Variants in COL5A3 observed in about 807,000 individuals in gnomAD.
COL5A3 encodes collagen alpha-3(V) chain.
COL5A3 carries 172 observed loss-of-function variants against 250.0 expected under a neutral mutation model. The ratio of observed to expected loss-of-function variants is 0.69; its 90% CI spans 0.61 to 0.78. The LOEUF is 0.78. Ranked by LOEUF, COL5A3 falls within the 30% of genes least tolerant of loss-of-function variation. The pLI is 0.00. For missense variants in COL5A3, 2,340 were observed against 2,334.4 expected, an observed-to-expected ratio of 1.00 and a Z score of -0.05; for synonymous variants, 937 against 900.4, an observed-to-expected ratio of 1.04 and a Z score of -0.73.
intron 22 of COL5A3, 43 bp from the exon 23 acceptor site, chr19:9,991,884 G>A (rs751087925): frequency 6.3e-7 from 1 of 1,597,352 alleles, no homozygotes; most frequent in Admixed American, 1.7e-5. Flanking sequence ...GAGGGGTCAT[G>A]GTGTTGGGGC....
chr19:9,996,629 C>G lies in COL5A3; in HGVS notation c.1324G>C (p.Val442Leu), dbSNP rs890983387. 8.7e-6 allele frequency: 14 copies of G among 1,613,674 alleles called. No individual in the cohort carries two copies. Among genetic ancestry groups the G allele is most frequent in the Non-Finnish European group, 1.2e-5 (14 of 1,179,912 alleles). ...CTCCTTCTTACCGGCATCATGATCACAGTGCCCGGTGGGCCTCGGATCCCA... is the reference window on the plus strand; with the variant it reads ...CTCCTTCTTACCGGCATCATGATCAGAGTGCCCGGTGGGCCTCGGATCCCA... Reference protein sequence around the residue: ...IDGIRGPPGTVIMMPFQFAGG... With the variant: ...IDGIRGPPGTLIMMPFQFAGG... The change falls in exon 12 of 67, where the codon GTG (valine) becomes CTG (leucine). Residue 442 changes from valine to leucine, a missense_variant. Val to Leu is a conservative substitution (Grantham distance 32). Coordinates refer to ENST00000264828, the MANE Select transcript of COL5A3 (RefSeq NM_015719.4).
chr19:10,004,933 C>G (rs1476062598), intron 4 of COL5A3, among the ~76,000 whole-genome samples: 1 of 152,172 alleles, frequency 6.6e-6, no homozygotes, highest in Non-Finnish European at 1.5e-5. Flanking sequence ...CACAACAAGC[C>G]AAGTAGGCGC....
chr19:9,996,484 G>T lies in COL5A3; in HGVS notation c.1371C>A (p.Pro457=). 6.2e-7 allele frequency: 1 copy of T among 1,614,128 alleles called. No homozygotes were observed. The highest frequency in any genetic ancestry group is 8.5e-7 in the Non-Finnish European group (1 of 1,180,014). The change falls in exon 13 of 67, where the codon CCC becomes CCA. Residue 457 remains proline (P), a synonymous_variant. Coordinates refer to ENST00000264828, the MANE Select transcript of COL5A3 (RefSeq NM_015719.4). ...CCTGGGCCTGCTGGAATGAGACTGGGGGGCCTTTAAAGGAGCCGCCTGCAA... is the reference window on the plus strand; with the variant it reads ...CCTGGGCCTGCTGGAATGAGACTGGTGGGCCTTTAAAGGAGCCGCCTGCAA... ...FQFAGGSFKG[P]PVSFQQAQAQ...
At chr19:9,970,255 G>C (rs568259981) in intron 54 of COL5A3, among the ~76,000 whole-genome samples, 3 of 63,472 alleles carry the variant, frequency 4.7e-5, no homozygotes, top group African/African-American at 1.9e-4. Context: ...TTTGGGGTGA[G>C]GTGGGGTGTG....
At chr19:9,988,720 A>T (rs2087136484) in intron 27 of COL5A3, among the ~76,000 whole-genome samples, 1 of 151,194 alleles carries the variant, frequency 6.6e-6, no homozygotes, top group Non-Finnish European at 1.5e-5. Context: ...AGTCCCAGCT[A>T]CTCAGGAAGC....
Position 9,973,113 on chromosome 19 carries a change from T to A in COL5A3, c.3667-87A>T, listed in dbSNP as rs2145075697. The A allele has an allele frequency of 4.0e-6, 5 of 1,250,118 alleles. No homozygotes were observed. In the East Asian group the frequency reaches 1.3e-4, roughly 32 times the overall value. The allele number at this position is 1,250,118 out of a possible 1,614,324, so 77.4% of individuals were successfully genotyped here. A position where few individuals can be genotyped will look rare whatever the true frequency, so the allele number is the denominator to read the frequency against. ...TACTTGGATTCAGGCATTGGGGTGG[T>A]CTGGGACTTTTCTGGGGTCAGGGTT... On this transcript the variant is annotated intron_variant, in intron 50 of 66. Coordinates refer to ENST00000264828, the MANE Select transcript of COL5A3 (RefSeq NM_015719.4).
At chr19:9,999,696 G>A (rs2087329826) in intron 8 of COL5A3, among the ~76,000 whole-genome samples, 1 of 151,858 alleles carries the variant, frequency 6.6e-6, no homozygotes, top group Non-Finnish European at 1.5e-5. Context: ...TCAATCTCCT[G>A]ACCTCGTGAT....
At chr19:9,983,627 AAAGAAG>A (rs1208876479) in intron 31 of COL5A3, among the ~76,000 whole-genome samples, 8 of 126,044 alleles carry the variant, frequency 6.3e-5, no homozygotes, top group Non-Finnish European at 1.1e-4. Context: ...AGAAAGAAAG[AAAGAAG>A]AGAGAGAGAG....
Position 10,010,369 on chromosome 19 carries a change from TC to T in COL5A3, c.16del (p.Asp6ThrfsTer30). ...GAGACCGGCCCGCGGCTGGCCCAGG[TC>T]CCGGCGGTTCCCCATCCCGGCGGGG... is the stretch of plus-strand genomic sequence containing the variant. The part of the protein sequence containing the change: MGNRR[D>X]LGQPRAGLCL... On this transcript the variant is annotated frameshift_variant, in exon 1 of 67. Transcript: ENST00000264828. LOFTEE classifies it high-confidence loss of function. The T allele has an allele frequency of 6.9e-7, 1 of 1,451,462 alleles. No individual in the cohort carries two copies. Among genetic ancestry groups the T allele is most frequent in the South Asian group, 1.4e-5 (1 of 71,020 alleles). 89.9% of individuals were successfully genotyped at this position (1,451,462 alleles called of 1,614,324 possible). A position where few individuals can be genotyped will look rare whatever the true frequency, so the allele number is the denominator to read the frequency against.
intron 45 of COL5A3, among the ~76,000 whole-genome samples, chr19:9,976,315 G>A (rs1599541698): frequency 1.3e-5 from 2 of 152,004 alleles, no homozygotes; most frequent in Admixed American, 1.3e-4. Flanking sequence ...GACATGGTTG[G>A]GTTGGGATTG....
At position 9,980,965 on chromosome 19, in the gene COL5A3, C is replaced by G. The variant is rs947327528; in HGVS notation, c.2506-106G>C. On this transcript the variant is annotated intron_variant, in intron 33 of 66. Transcript: ENST00000264828. ...TCCCCTTGTGACTCCCTCTCCTGCC[C>G]GACCAGGGACATTGATATAACCCAA... is the stretch of plus-strand genomic sequence containing the variant. The G allele has an allele frequency of 4.0e-6, 6 of 1,491,296 alleles. 1 individual carries two copies. In the African/African-American group the frequency reaches 8.3e-5, roughly 21 times the overall value. The allele number at this position is 1,491,296 out of a possible 1,614,324, so 92.4% of individuals were successfully genotyped here.
In COL5A3 at chr19:10,006,057, T is replaced by G; in HGVS notation, c.247+16A>C. On this transcript the variant is annotated intron_variant, in intron 2 of 66. Transcript: ENST00000264828. The stretch of plus-strand genomic sequence containing the variant: ...CTCCCTCCGGGGAGGTACCCAGGCC[T>G]CCTACTCCAACTCACCTGGAAAGAG... The G allele has an allele frequency of 6.2e-7, 1 of 1,613,382 alleles. No individual in the cohort carries two copies. Among genetic ancestry groups the G allele is most frequent in the South Asian group, 1.1e-5 (1 of 91,034 alleles).
intron 53 of COL5A3, 57 bp downstream of exon 53, chr19:9,970,918 C>G: frequency 8.0e-7 from 1 of 1,251,024 alleles, no homozygotes; most frequent in Non-Finnish European, 1.1e-6. Flanking sequence ...CCAATTCACT[C>G]ACTCATTAGC....
chr19:10,000,452 CTTTTTTTTTTTTTTT>C (rs576119335), intron 8 of COL5A3, among the ~76,000 whole-genome samples: 2 of 62,762 alleles, frequency 3.2e-5, no homozygotes, highest in African/African-American at 1.4e-4. Context: ...CCAGAGAGCT[CTTTTTTTTTTTTTTT>C]TTTTTTTTTT....
In COL5A3 at chr19:10,006,182, C is replaced by T. The variant is rs759246311; in HGVS notation, c.138G>A (p.Gly46=). The change falls in exon 2 of 67, where the codon GGG becomes GGA. Residue 46 remains glycine (G), a synonymous_variant. Coordinates refer to ENST00000264828, the MANE Select transcript of COL5A3 (RefSeq NM_015719.4). ...KALGVQGGQA[G]VPEGPGFCPQ... is the part of the protein sequence containing the mutation. ...GACAGAAGCCAGGCCCCTCGGGGAC[C>T]CCAGCCTGGCCTCCCTGCACACCCA... 6.2e-7 allele frequency: 1 copy of T among 1,607,366 alleles called. No homozygotes were observed. Among genetic ancestry groups the T allele is most frequent in the Admixed American group, 1.7e-5 (1 of 58,508 alleles).
At chr19:9,997,334 CCT>C in intron 11 of COL5A3, 35 bp downstream of exon 11, 1 of 1,522,732 alleles carries the variant, frequency 6.6e-7, no homozygotes, top group Non-Finnish European at 9.1e-7. Flanking sequence ...AAACCTCACT[CCT>C]CTGAGAAGTG....
intron 21 of COL5A3, 104 bp from the exon 22 acceptor site, chr19:9,992,152 G>C (rs1430550477): frequency 3.1e-6 from 3 of 972,840 alleles, no homozygotes; most frequent in Non-Finnish European, 4.8e-6. Context: ...GCCGGGCACT[G>C]TGGCTCATGC....
intron 62 of COL5A3, 120 bp downstream of exon 62, chr19:9,967,227 C>T (rs1490123560): frequency 4.4e-6 from 3 of 679,114 alleles, no homozygotes; most frequent in Admixed American, 7.6e-5. Context: ...ATCCTCTGAA[C>T]ACCTAGTGTG....
chr19:9,997,381 G>A lies in COL5A3; in HGVS notation c.1253C>T (p.Pro418Leu), dbSNP rs1346881856. The change falls in exon 11 of 67, where the codon CCT becomes CTT. Residue 418 changes from proline to leucine, a missense_variant. Coordinates refer to ENST00000264828, the MANE Select transcript of COL5A3 (RefSeq NM_015719.4). ...PPGPPGFPGD[P>L]GPPGPAGLPG... ...GTGGGAGTCTCTTACCGGTGGACCA[G>A]GGTCGCCAGGGAATCCTGGGGGGCC... The A allele has an allele frequency of 6.2e-7, 1 of 1,609,468 alleles. No homozygotes were observed. Among genetic ancestry groups the A allele is most frequent in the Non-Finnish European group, 8.5e-7 (1 of 1,178,164 alleles).
Sources: allele counts gnomAD v4.1 joint callset (sites outside exome capture counted in the v4.1 genomes callset), GRCh38; gene constraint gnomAD v4.1.1; transcripts MANE v1.5; gene names NCBI Gene and HGNC (gene_info 2026-07-23, HGNC 2026-07-21).